TTC28: variants seen among roughly 807,000 people sequenced by gnomAD.
TTC28 encodes the protein tetratricopeptide repeat domain 28.
Under a neutral mutation model 198.0 loss-of-function variants are expected in TTC28, and 61 were observed. That is an observed-to-expected ratio of 0.31 (90% CI 0.25 to 0.38). The LOEUF (loss-of-function observed/expected upper bound fraction) is 0.38. Ranked by LOEUF, TTC28 falls within the 10% of genes least tolerant of loss-of-function variation. The pLI, the probability that TTC28 is intolerant of heterozygous loss-of-function variation, is 1.00. For synonymous variants in TTC28, 1,171 were observed against 1,297.8 expected, an observed-to-expected ratio of 0.90 and a Z score of 2.10; for missense variants, 2,678 against 3,164.0, an observed-to-expected ratio of 0.85 and a Z score of 3.69.
At chr22:28,388,870 A>G (rs2046663825) in intron 2 of TTC28, among the ~76,000 whole-genome samples, 1 of 152,182 alleles carries the variant, frequency 6.6e-6, no homozygotes, top group Non-Finnish European at 1.5e-5. Flanking sequence ...CAGAACTTCC[A>G]ACACTATGTT....
intron 2 of TTC28, among the ~76,000 whole-genome samples, chr22:28,336,485 G>A (rs2045721358): frequency 6.6e-6 from 1 of 152,140 alleles, no homozygotes; most frequent in Non-Finnish European, 1.5e-5. Flanking sequence ...TTTTTGGTTG[G>A]TAAGCTATTA....
At chr22:28,568,731 T>A (rs548534787) in intron 2 of TTC28, among the ~76,000 whole-genome samples, 115 of 152,300 alleles carry the variant, frequency 7.6e-4, no homozygotes, top group Non-Finnish European at 1.4e-3. Context: ...AAACATTCCA[T>A]GCTCATGAAT....
At chr22:28,167,804 T>C (rs982594390) in intron 5 of TTC28, among the ~76,000 whole-genome samples, 10 of 152,230 alleles carry the variant, frequency 6.6e-5, no homozygotes, top group African/African-American at 1.9e-4. Flanking sequence ...CAACACAGTG[T>C]TGGAAGTTCT....
chr22:28,050,131 G>A (rs762534180), intron 12 of TTC28, among the ~76,000 whole-genome samples: 7 of 152,120 alleles, frequency 4.6e-5, no homozygotes, highest in Admixed American at 2.0e-4. Flanking sequence ...ACTCAGAGGA[G>A]CTCAGGCACT....
At chr22:28,457,714 G>C (rs929845616) in intron 2 of TTC28, among the ~76,000 whole-genome samples, 3 of 152,110 alleles carry the variant, frequency 2.0e-5, no homozygotes, top group African/African-American at 4.8e-5. Context: ...ATCCTTTATT[G>C]TGTGGTAGGA....
chr22:28,476,944 G>T (rs2048175921), intron 2 of TTC28, among the ~76,000 whole-genome samples: 1 of 152,134 alleles, frequency 6.6e-6, no homozygotes, highest in Admixed American at 6.5e-5. Flanking sequence ...AAAAATAAAT[G>T]AATTGCTAGT....
In TTC28 at chr22:28,679,707, G is replaced by T. The variant is rs1299163991; in HGVS notation, c.17C>A (p.Pro6Gln). The T allele has an allele frequency of 3.1e-6, 4 of 1,280,422 alleles. No individual in the cohort carries two copies. The highest frequency in any genetic ancestry group is 3.1e-5 in the African/African-American group (2 of 64,004). 79.3% of individuals were successfully genotyped at this position (1,280,422 alleles called of 1,614,324 possible). A position where few individuals can be genotyped will look rare whatever the true frequency, so the allele number is the denominator to read the frequency against. The part of the protein sequence containing the change: MEQSP[P>Q]PAPEPTQGPT... ...CCCTTGGGTCGGCTCGGGCGCCGGC[G>T]GCGGCGACTGCTCCATCCCCACGGG... The change falls in exon 1 of 23, where the codon CCG (proline) becomes CAG (glutamine). Residue 6 changes from proline to glutamine, a missense_variant. Transcript: ENST00000397906.
At chr22:28,671,881 G>A (rs565749078) in intron 1 of TTC28, among the ~76,000 whole-genome samples, 7 of 151,670 alleles carry the variant, frequency 4.6e-5, no homozygotes, top group Non-Finnish European at 8.8e-5. Context: ...TCACCATGAT[G>A]CCCAGGCTGG....
chr22:28,293,956 C>T (rs1181786429), intron 5 of TTC28, among the ~76,000 whole-genome samples: 1 of 151,934 alleles, frequency 6.6e-6, no homozygotes, highest in South Asian at 2.1e-4. Flanking sequence ...AAGGGAATGG[C>T]CAGAAGAAGT....
chr22:28,045,577 A>C (rs925644839), intron 12 of TTC28, among the ~76,000 whole-genome samples: 3 of 152,156 alleles, frequency 2.0e-5, no homozygotes, highest in Non-Finnish European at 2.9e-5. Flanking sequence ...TGCTCAGTAA[A>C]CTCAATGGAC....
At chr22:28,410,764 T>G (rs1420987066) in intron 2 of TTC28, among the ~76,000 whole-genome samples, 9 of 152,186 alleles carry the variant, frequency 5.9e-5, no homozygotes, top group Non-Finnish European at 1.3e-4. Context: ...TTAGAATACA[T>G]TTGTGAGGAT....
At chr22:28,166,726 A>T (rs1286704985) in intron 5 of TTC28, among the ~76,000 whole-genome samples, 3 of 152,238 alleles carry the variant, frequency 2.0e-5, no homozygotes, top group African/African-American at 7.2e-5. Flanking sequence ...AGCAGGAAAG[A>T]TCTAAAATTG....
At chr22:27,997,383 T>G (rs1461622478) in intron 16 of TTC28, 1 of 152,242 alleles carries the variant, frequency 6.6e-6, no homozygotes, top group Non-Finnish European at 1.5e-5. Flanking sequence ...GTTTGTAAAG[T>G]AAGCAAAATG....
intron 12 of TTC28, among the ~76,000 whole-genome samples, chr22:28,076,630 G>T (rs1394040298): frequency 6.6e-6 from 1 of 152,152 alleles, no homozygotes; most frequent in East Asian, 1.9e-4. Context: ...AGGCTGGAGT[G>T]CAGTGGCGCA....
intron 2 of TTC28, among the ~76,000 whole-genome samples, chr22:28,470,402 A>G (rs538342777): frequency 5.6e-4 from 86 of 152,306 alleles, no homozygotes; most frequent in Non-Finnish European, 5.9e-4. Flanking sequence ...TAAGCCCACC[A>G]GAGTCTTAGC....
At chr22:28,449,195 T>C (rs1254191596) in intron 2 of TTC28, among the ~76,000 whole-genome samples, 3 of 152,210 alleles carry the variant, frequency 2.0e-5, no homozygotes, top group Admixed American at 6.5e-5. Flanking sequence ...TAGGTCTGAC[T>C]GTAGTAACTG....
intron 2 of TTC28, among the ~76,000 whole-genome samples, chr22:28,372,617 C>T (rs2046355542): frequency 6.6e-6 from 1 of 151,688 alleles, no homozygotes; most frequent in African/African-American, 2.4e-5. Flanking sequence ...GTTCTACACA[C>T]TGGGTAACAA....
At chr22:28,033,200 G>A (rs1411146445) in intron 12 of TTC28, among the ~76,000 whole-genome samples, 1 of 152,134 alleles carries the variant, frequency 6.6e-6, no homozygotes, top group African/African-American at 2.4e-5. Flanking sequence ...CCTGCTTAAT[G>A]GGGTTGTTTC....
In TTC28 at chr22:28,509,191, CAAAAAAA is replaced by C. The variant is rs796909640; in HGVS notation, c.381+120354_381+120360del. Among the ~76,000 whole-genome samples the C allele has an allele frequency of 3.1e-5, 3 of 96,704 alleles. No individual in the cohort carries two copies. The Admixed American group carries it at 3.3e-4, about 11-fold the overall frequency. 63.4% of individuals were successfully genotyped at this position (96,704 alleles called of 152,430 possible). On this transcript the variant is annotated intron_variant, in intron 2 of 22. Coordinates refer to ENST00000397906, the MANE Select transcript of TTC28 (RefSeq NM_001145418.2). ...GGGCAACAAAGTGAGATTCTGCCTT[CAAAAAAA>C]AAAAAAAAAATACTCTCTACCCAGA...
Sources: allele counts gnomAD v4.1 joint callset (sites outside exome capture counted in the v4.1 genomes callset), GRCh38; gene constraint gnomAD v4.1.1; transcripts MANE v1.5; gene names NCBI Gene and HGNC (gene_info 2026-07-23, HGNC 2026-07-21).